The following TMED10 variants were observed in gnomAD, a reference collection of about 807,000 sequenced individuals.
TMED10 encodes transmembrane emp24 domain-containing protein 10.
Under a neutral mutation model 23.1 loss-of-function variants are expected in TMED10, and 7 were observed. The ratio of observed to expected loss-of-function variants is 0.30; its 90% CI spans 0.17 to 0.57. The LOEUF (loss-of-function observed/expected upper bound fraction) is 0.57. Among genes scored for constraint, TMED10 ranks in the 20% least tolerant of loss-of-function variants. The pLI, the probability that TMED10 is intolerant of heterozygous loss-of-function variation, is 0.91. For missense variants in TMED10, 162 were observed against 274.8 expected, an observed-to-expected ratio of 0.59 and a Z score of 2.90; for synonymous variants, 113 against 106.9, an observed-to-expected ratio of 1.06 and a Z score of -0.35.
intron 1 of TMED10, among the ~76,000 whole-genome samples, chr14:75,169,228 G>A (rs1594875507): frequency 6.6e-6 from 1 of 152,192 alleles, no homozygotes; most frequent in East Asian, 1.9e-4. Context: ...TATCCCAGGA[G>A]ATGGGCAAAT....
chr14:75,131,531 G>A lies in TMED10; in HGVS notation c.*3354C>T, dbSNP rs1473219379. The A allele has an allele frequency of 6.6e-6, 1 of 152,542 alleles. No homozygotes were observed. The highest frequency in any genetic ancestry group is 1.5e-5 in the Non-Finnish European group (1 of 68,018). The allele number at this position is 152,542 out of a possible 1,614,324, so 9.4% of individuals were successfully genotyped here. On this transcript the variant is annotated 3_prime_UTR_variant, in exon 5 of 5. Coordinates refer to ENST00000303575, the MANE Select transcript of TMED10 (RefSeq NM_006827.6). ...AAAATCCCCAATCCAACATTTACAA[G>A]TGAATCTGTATAAATCCCATATGCC...
chr14:75,173,956 C>T (rs185824351), intron 1 of TMED10, among the ~76,000 whole-genome samples: 33 of 152,274 alleles, frequency 2.2e-4, no homozygotes, highest in Admixed American at 3.3e-4. Flanking sequence ...GTCTTGAACT[C>T]CTGACCTCAG....
rs1431164357 is a variant in TMED10, at chr14:75,164,563, ATATATATATATATATTTT to A, written c.225+11774_225+11791del. Among the ~76,000 whole-genome samples, 13 of 4,244 alleles carry A rather than the reference ATATATATATATATATTTT, an allele frequency of 3.1e-3. 1 individual carries two copies. Among genetic ancestry groups the A allele is most frequent in the East Asian group, 0.019 (2 of 108 alleles). The allele number at this position is 4,244 out of a possible 152,430, so 2.8% of individuals were successfully genotyped here. ...TATATATATATATATATATATATAT[ATATATATATATATATTTT>A]TTTTTTTTTTTTTGTATTTTTAGAA... is the stretch of plus-strand genomic sequence containing the variant. On this transcript the variant is annotated intron_variant, in intron 1 of 4. Transcript: ENST00000303575.
chr14:75,159,587 C>T (rs572212126), intron 1 of TMED10, among the ~76,000 whole-genome samples: 1 of 152,300 alleles, frequency 6.6e-6, no homozygotes, highest in South Asian at 2.1e-4. Flanking sequence ...TGAACAGTGT[C>T]CTTCAAAAAC....
At chr14:75,161,832 A>T (rs1380986174) in intron 1 of TMED10, among the ~76,000 whole-genome samples, 1 of 152,090 alleles carries the variant, frequency 6.6e-6, no homozygotes, top group East Asian at 1.9e-4. Context: ...AAAAAAAAAA[A>T]AAAGGTACCA....
intron 3 of TMED10, among the ~76,000 whole-genome samples, chr14:75,145,192 C>G (rs2139838017): frequency 6.6e-6 from 1 of 152,276 alleles, no homozygotes; most frequent in Non-Finnish European, 1.5e-5. Flanking sequence ...TGCGTAAAGG[C>G]AGGCTTAGGA....
At chr14:75,176,163 G>T (rs948808588) in intron 1 of TMED10, 192 bp downstream of exon 1, 14 of 661,816 alleles carry the variant, frequency 2.1e-5, no homozygotes, top group Non-Finnish European at 3.5e-5. Flanking sequence ...GTTCCCAGGC[G>T]TTGGTGACCC....
chr14:75,166,011 A>G (rs1353100141), intron 1 of TMED10, among the ~76,000 whole-genome samples: 1 of 151,650 alleles, frequency 6.6e-6, no homozygotes, highest in African/African-American at 2.4e-5. Flanking sequence ...AAGGGGAGAA[A>G]GAGAGGGAGG....
At chr14:75,160,703 G>A (rs2139851226) in intron 1 of TMED10, among the ~76,000 whole-genome samples, 1 of 152,248 alleles carries the variant, frequency 6.6e-6, no homozygotes, top group Non-Finnish European at 1.5e-5. Flanking sequence ...ATAAAGATTT[G>A]TTTCTAGATA....
At chr14:75,164,870 A>AAGC (rs1309233848) in intron 1 of TMED10, among the ~76,000 whole-genome samples, 1 of 151,478 alleles carries the variant, frequency 6.6e-6, no homozygotes, top group South Asian at 2.1e-4. Context: ...ACTCTCAAGG[A>AAGC]AGCAGCAGCA....
chr14:75,144,155 G>A (rs1435973889), intron 3 of TMED10, among the ~76,000 whole-genome samples: 1 of 152,188 alleles, frequency 6.6e-6, no homozygotes, highest in Non-Finnish European at 1.5e-5. Flanking sequence ...GGAGTTAGAA[G>A]ATGTGTCAGA....
intron 1 of TMED10, among the ~76,000 whole-genome samples, chr14:75,165,097 TTCATA>T: frequency 6.6e-6 from 1 of 152,104 alleles, no homozygotes; most frequent in Non-Finnish European, 1.5e-5. Flanking sequence ...ATCTCTACTC[TTCATA>T]AGAATTCACA....
At chr14:75,139,395 G>A (rs1257058566) in intron 3 of TMED10, among the ~76,000 whole-genome samples, 2 of 151,998 alleles carry the variant, frequency 1.3e-5, no homozygotes. Flanking sequence ...TCTAGTACAG[G>A]TGCTACTTCA....
At chr14:75,164,500 G>C (rs1896125136) in intron 1 of TMED10, among the ~76,000 whole-genome samples, 1 of 140,354 alleles carries the variant, frequency 7.1e-6, no homozygotes, top group Non-Finnish European at 1.5e-5. Flanking sequence ...CAAAGTGCTG[G>C]GATTACAGGC....
intron 2 of TMED10, among the ~76,000 whole-genome samples, chr14:75,149,552 T>C (rs897047837): frequency 2.6e-5 from 4 of 152,184 alleles, no homozygotes; most frequent in African/African-American, 4.8e-5. Flanking sequence ...AATAATTCAA[T>C]TGGGATCTAA....
chr14:75,149,465 A>C lies in TMED10; in HGVS notation c.338-1728T>G, dbSNP rs1471028199. On this transcript the variant is annotated intron_variant, in intron 2 of 4. Coordinates refer to ENST00000303575, the MANE Select transcript of TMED10 (RefSeq NM_006827.6). ...AGAACCATGAACCAAACAAATTTCT[A>C]CTGTTTATACCCACTCTGCGATGTT... 5.1e-4 allele frequency among the ~76,000 whole-genome samples: 3 copies of C among 5,836 alleles called. No individual in the cohort carries two copies. The Non-Finnish European group carries it at 0.012, about 23-fold the overall frequency. The allele number at this position is 5,836 out of a possible 152,430, so 3.8% of individuals were successfully genotyped here. A position where few individuals can be genotyped will look rare whatever the true frequency, so the allele number is the denominator to read the frequency against.
At chr14:75,145,563 A>G (rs1895872967) in intron 3 of TMED10, among the ~76,000 whole-genome samples, 1 of 152,192 alleles carries the variant, frequency 6.6e-6, no homozygotes, top group Non-Finnish European at 1.5e-5. Context: ...CAAGACAGGC[A>G]GATCACGAGG....
intron 1 of TMED10, among the ~76,000 whole-genome samples, chr14:75,169,603 A>G (rs1896205914): frequency 6.6e-6 from 1 of 151,968 alleles, no homozygotes. Flanking sequence ...GGTTGCAGTG[A>G]GCCGAGATCA....
chr14:75,138,604 G>A (rs1226229677), intron 3 of TMED10, among the ~76,000 whole-genome samples: 1 of 152,088 alleles, frequency 6.6e-6, no homozygotes, highest in African/African-American at 2.4e-5. Flanking sequence ...CTTCCCTCCT[G>A]CTCTATACTT....
Sources: allele counts gnomAD v4.1 joint callset (sites outside exome capture counted in the v4.1 genomes callset), GRCh38; gene constraint gnomAD v4.1.1; transcripts MANE v1.5; gene names NCBI Gene and HGNC (gene_info 2026-07-23, HGNC 2026-07-21).